The following RRP1B variants were observed in gnomAD, a reference collection of about 807,000 sequenced individuals.
The protein encoded by RRP1B is ribosomal RNA processing protein 1 homolog B.
A neutral mutation model predicts 80.2 loss-of-function variants in RRP1B; 56 were observed. The ratio of observed to expected loss-of-function variants is 0.70; its 90% CI spans 0.56 to 0.87. RRP1B has a LOEUF of 0.87. RRP1B is among the 40% of genes least tolerant of loss of function. The pLI is 0.00. For synonymous variants in RRP1B, 351 were observed against 357.6 expected (o/e 0.98, Z 0.21); for missense variants, 807 against 939.8 (o/e 0.86, Z 1.85).
At chr21:43,687,052 T>C (rs1358285142) in intron 12 of RRP1B, 117 bp downstream of exon 12, 1 of 1,199,740 alleles carries the variant, frequency 8.3e-7, no homozygotes, top group Non-Finnish European at 1.2e-6. Context: ...AGCCCAAAGC[T>C]TCAGTCTTTA....
In RRP1B at chr21:43,675,104, G is replaced by A; in HGVS notation, c.490G>A (p.Val164Met). Residue 164 changes from valine to methionine, a missense_variant, in exon 6 of 16, where the codon GTG (valine) becomes ATG (methionine). Physicochemically the swap from Val to Met is conservative, Grantham distance 21. Transcript: ENST00000340648. Reference protein sequence around the residue: ...LCPESQSPNGVRFHFIDIYLD... With the variant: ...LCPESQSPNGMRFHFIDIYLD... ...TCCTGAGAGTCAGTCTCCTAATGGA[G>A]TGAGATTCCACTTCATTGATATTTA... The A allele has an allele frequency of 3.1e-6, 5 of 1,614,098 alleles. No homozygotes were observed. Among genetic ancestry groups the A allele is most frequent in the African/African-American group, 2.7e-5 (2 of 75,028 alleles).
Position 43,690,189 on chromosome 21 carries a change from A to C in RRP1B, c.1867-99A>C. On this transcript the variant is annotated intron_variant, in intron 13 of 15. Coordinates refer to ENST00000340648, the MANE Select transcript of RRP1B (RefSeq NM_015056.3). ...GACCGCGGGCCGTCGGGTGGGCTGG[A>C]TCTGCCTGGGGCTCTGCCTTCCCCT... The C allele has an allele frequency of 3.5e-6, 5 of 1,414,298 alleles. No homozygotes were observed. In the South Asian group the frequency reaches 6.8e-5, roughly 19 times the overall value. The allele number at this position is 1,414,298 out of a possible 1,614,324, so 87.6% of individuals were successfully genotyped here. A position where few individuals can be genotyped will look rare whatever the true frequency, so the allele number is the denominator to read the frequency against.
chr21:43,677,113 G>A (rs976457903), intron 8 of RRP1B, among the ~76,000 whole-genome samples, 199 bp downstream of exon 8: 3 of 152,168 alleles, frequency 2.0e-5, no homozygotes, highest in Non-Finnish European at 2.9e-5. Flanking sequence ...GGAGACCTGA[G>A]ATCTGTCCCA....
rs2083104525 is a variant in RRP1B at position 43,695,666 on chromosome 21, CATG to C, written c.*2286_*2288del. The C allele has an allele frequency of 6.6e-6, 1 of 152,186 alleles. No individual in the cohort carries two copies. 9.4% of individuals were successfully genotyped at this position (152,186 alleles called of 1,614,324 possible). ...TTAGAATACTGGTTTTCTATTTACG[CATG>C]ATATTTTCCTAAGTAAAATTGCCAA... On this transcript the variant is annotated 3_prime_UTR_variant, in exon 16 of 16. Coordinates refer to ENST00000340648, the MANE Select transcript of RRP1B (RefSeq NM_015056.3).
intron 8 of RRP1B, among the ~76,000 whole-genome samples, chr21:43,680,942 T>A (rs1314451629): frequency 6.6e-6 from 1 of 152,152 alleles, no homozygotes; most frequent in Non-Finnish European, 1.5e-5. Context: ...ATATTATATT[T>A]AATCAGAAAA....
At chr21:43,676,103 C>G (rs901455357) in intron 6 of RRP1B, among the ~76,000 whole-genome samples, 169 bp from the exon 7 acceptor site, 5 of 152,116 alleles carry the variant, frequency 3.3e-5, no homozygotes, top group Non-Finnish European at 5.9e-5. Context: ...CAGTCTTCAG[C>G]CTGGCTCCAG....
intron 1 of RRP1B, among the ~76,000 whole-genome samples, chr21:43,664,379 T>C (rs2082970236): frequency 1.3e-5 from 2 of 151,956 alleles, no homozygotes; most frequent in South Asian, 4.1e-4. Flanking sequence ...GTAAAATGTA[T>C]TCCTAGGAAT....
chr21:43,693,964 G>C lies in RRP1B; in HGVS notation c.*581G>C, dbSNP rs1050969577. The C allele has an allele frequency of 6.6e-6, 1 of 152,372 alleles. No individual in the cohort carries two copies. The highest frequency in any genetic ancestry group is 2.4e-5 in the African/African-American group (1 of 41,422). The allele number at this position is 152,372 out of a possible 1,614,324, so 9.4% of individuals were successfully genotyped here. A position where few individuals can be genotyped will look rare whatever the true frequency, so the allele number is the denominator to read the frequency against. On this transcript the variant is annotated 3_prime_UTR_variant, in exon 16 of 16. Coordinates refer to ENST00000340648, the MANE Select transcript of RRP1B (RefSeq NM_015056.3). This position sits in a 1 kb window ranked among gnomAD's most constrained non-coding sequence, Gnocchi z 4.1. ...CTACATGTGCTCAGCTGGGGGTGTGGACAGGTAGGGGTGGGGAAAGAAGAG... is the reference window on the plus strand; with the variant it reads ...CTACATGTGCTCAGCTGGGGGTGTGCACAGGTAGGGGTGGGGAAAGAAGAG...
chr21:43,683,187 G>A, intron 8 of RRP1B, 92 bp from the exon 9 acceptor site: 2 of 1,022,826 alleles, frequency 2.0e-6, no homozygotes, highest in South Asian at 3.0e-5. Flanking sequence ...TTTTTGCTAA[G>A]AGACACCTAA....
intron 1 of RRP1B, among the ~76,000 whole-genome samples, chr21:43,661,070 A>T (rs1376968786): frequency 6.6e-6 from 1 of 152,236 alleles, no homozygotes; most frequent in South Asian, 2.1e-4. Flanking sequence ...TATTTTTAAG[A>T]GAAATCACCA....
At position 43,674,676 on chromosome 21, in the gene RRP1B, A is replaced by T; in HGVS notation, c.398A>T (p.Lys133Met). ...CTGAGGCAGTCCTTTGAAGTCTTGAAGCGAAATGGCTGGGAAGAAAGGTCA... is the reference window on the plus strand; with the variant it reads ...CTGAGGCAGTCCTTTGAAGTCTTGATGCGAAATGGCTGGGAAGAAAGGTCA... ...LVLRQSFEVL[K>M]RNGWEESRIK... The change falls in exon 5 of 16, where the codon AAG becomes ATG. Residue 133 changes from lysine to methionine, a missense_variant. By Grantham distance (95) the Lys-to-Met change is moderately conservative. Transcript: ENST00000340648. 1 of 1,597,474 alleles carries T rather than the reference A, an allele frequency of 6.3e-7. No homozygotes were observed. Among genetic ancestry groups the T allele is most frequent in the Non-Finnish European group, 8.5e-7 (1 of 1,175,432 alleles).
At chr21:43,671,182 G>C (rs548862966) in intron 2 of RRP1B, among the ~76,000 whole-genome samples, 2 of 151,968 alleles carry the variant, frequency 1.3e-5, no homozygotes, top group Non-Finnish European at 2.9e-5. Context: ...CTCTCTCAGG[G>C]ACCCCTTCAC....
At chr21:43,675,186 C>G in intron 6 of RRP1B, 23 bp downstream of exon 6, 1 of 1,611,124 alleles carries the variant, frequency 6.2e-7, no homozygotes. Context: ...CGACAGGCTG[C>G]CCACGGGGTG....
chr21:43,683,282 T>G lies in RRP1B; in HGVS notation c.800T>G (p.Leu267Arg). 6.2e-7 allele frequency: 1 copy of G among 1,614,010 alleles called. No individual in the cohort carries two copies. The highest frequency in any genetic ancestry group is 8.5e-7 in the Non-Finnish European group (1 of 1,179,876). The change falls in exon 9 of 16, where the codon CTG (leucine) becomes CGG (arginine). Residue 267 changes from leucine (L) to arginine (R), a missense_variant. Coordinates refer to ENST00000340648, the MANE Select transcript of RRP1B (RefSeq NM_015056.3). ...RRAVSKKKTA[L>R]GKNHSRKDGL... The stretch of plus-strand genomic sequence containing the variant: ...GTCTTTGGGTATATTTTGACAGCAC[T>G]GGGCAAAAACCATTCCAGAAAAGAT...
chr21:43,677,401 T>G (rs2083027164), intron 8 of RRP1B, among the ~76,000 whole-genome samples: 1 of 152,194 alleles, frequency 6.6e-6, no homozygotes, highest in Non-Finnish European at 1.5e-5. Flanking sequence ...TTACTACTGT[T>G]TTGTGTCTGG....
chr21:43,688,323 G>C (rs1170327032), intron 13 of RRP1B, 83 bp downstream of exon 13: 1 of 1,446,138 alleles, frequency 6.9e-7, no homozygotes, highest in Non-Finnish European at 9.2e-7. Flanking sequence ...CTGAGAGGAA[G>C]GGTGGGGGCT....
Position 43,691,351 on chromosome 21 carries a change from T to A in RRP1B, c.2020-88T>A. 8.0e-7 allele frequency: 1 copy of A among 1,257,176 alleles called. No individual in the cohort carries two copies. Among genetic ancestry groups the A allele is most frequent in the South Asian group, 1.2e-5 (1 of 81,338 alleles). 77.9% of individuals were successfully genotyped at this position (1,257,176 alleles called of 1,614,324 possible). On this transcript the variant is annotated intron_variant, in intron 14 of 15. Coordinates refer to ENST00000340648, the MANE Select transcript of RRP1B (RefSeq NM_015056.3). This position sits in a 1 kb window ranked among gnomAD's most constrained non-coding sequence, Gnocchi z 4.2. Reference sequence around the variant, plus strand: ...AAGCAGCAGTGTGGGCGGCATACCCTCCAGGGCAGGTTCTCCAGAAAAATC... The same window carrying A: ...AAGCAGCAGTGTGGGCGGCATACCCACCAGGGCAGGTTCTCCAGAAAAATC...
rs547282779 is a variant in RRP1B, at chr21:43,671,992, T to C, written c.214-316T>C. ...ATGAGCCACTGCACGTGGCCAGATA[T>C]AGTTATAAAGCCAGGAACTGATAAC... is the stretch of plus-strand genomic sequence containing the variant. On this transcript the variant is annotated intron_variant, in intron 2 of 15. Coordinates refer to ENST00000340648, the MANE Select transcript of RRP1B (RefSeq NM_015056.3). 2.8e-4 allele frequency among the ~76,000 whole-genome samples: 43 copies of C among 152,316 alleles called. 1 individual carries two copies. The East Asian group carries it at 7.7e-3, about 27-fold the overall frequency.
At chr21:43,676,470 G>A (rs767187489) in intron 7 of RRP1B, 134 bp downstream of exon 7, 16 of 739,896 alleles carry the variant, frequency 2.2e-5, no homozygotes, top group Non-Finnish European at 2.3e-5. Flanking sequence ...GACAGCCGAA[G>A]CTTTGAGCAG....
Sources: allele counts gnomAD v4.1 joint callset (sites outside exome capture counted in the v4.1 genomes callset), GRCh38; gene constraint gnomAD v4.1.1; non-coding constraint Gnocchi (gnomAD v3.1); transcripts MANE v1.5; gene names NCBI Gene and HGNC (gene_info 2026-07-23, HGNC 2026-07-21).